POP1: variants seen among roughly 807,000 people sequenced by gnomAD.
The protein encoded by POP1 is POP1 ribonuclease P/MRP subunit.
In POP1, 75 loss-of-function variants were observed where a neutral mutation model predicts 102.2. The observed-to-expected ratio is 0.73, with a 90% CI of 0.61 to 0.89. The LOEUF (loss-of-function observed/expected upper bound fraction) is 0.89. Among genes scored for constraint, POP1 ranks in the 40% least tolerant of loss-of-function variants. The pLI, the probability that POP1 is intolerant of heterozygous loss-of-function variation, is 0.00. For synonymous variants in POP1, 436 were observed against 464.1 expected (o/e 0.94, Z 0.78); for missense variants, 1,116 against 1,267.4 (o/e 0.88, Z 1.81).
At chr8:98,128,784 A>G (rs1451238290) in intron 4 of POP1, among the ~76,000 whole-genome samples, 5 of 152,038 alleles carry the variant, frequency 3.3e-5, no homozygotes, top group Non-Finnish European at 7.4e-5. Context: ...GCTGGGCGTG[A>G]TGGTACATGT....
In POP1 at chr8:98,140,165, G is replaced by A; in HGVS notation, c.1450G>A (p.Glu484Lys). The A allele has an allele frequency of 6.2e-7, 1 of 1,614,046 alleles. No homozygotes were observed. The highest frequency in any genetic ancestry group is 8.5e-7 in the Non-Finnish European group (1 of 1,179,952). ...CAGCGTTTCCCTTCATTGCAGACAAGAAGCCATTTTCGAGTTGTTGGGAGG... is the reference window on the plus strand; with the variant it reads ...CAGCGTTTCCCTTCATTGCAGACAAAAAGCCATTTTCGAGTTGTTGGGAGG... ...PDSVSLHCRQ[E>K]AIFELLGGIT... Residue 484 changes from glutamate to lysine, a missense_variant, in exon 10 of 16, where the codon GAA (glutamate) becomes AAA (lysine). Physicochemically the swap from Glu to Lys is moderately conservative, Grantham distance 56 (BLOSUM62 1). Transcript: ENST00000401707.
In POP1 at chr8:98,158,288, CAGCAGGGCAT is replaced by C; in HGVS notation, c.*20_*29del. 1 of 1,604,616 alleles carries C rather than the reference CAGCAGGGCAT, an allele frequency of 6.2e-7. No individual in the cohort carries two copies. The highest frequency in any genetic ancestry group is 1.7e-4 in the Middle Eastern group (1 of 5,828). On this transcript the variant is annotated 3_prime_UTR_variant, in exon 16 of 16. Transcript: ENST00000401707. Reference sequence around the variant, plus strand: ...GAGGTGTGAATGCGTGCTTGTATCCCAGCAGGGCATAGATAATACGTTATTATTGTCTGCC... The same window carrying C: ...GAGGTGTGAATGCGTGCTTGTATCCCAGATAATACGTTATTATTGTCTGCC...
intron 1 of POP1, 99 bp from the exon 2 acceptor site, chr8:98,123,237 A>T: frequency 7.2e-7 from 1 of 1,391,288 alleles, no homozygotes; most frequent in Non-Finnish European, 9.9e-7. Flanking sequence ...CCATCAATAG[A>T]CTTATTTTGA....
chr8:98,146,179 C>A (rs538421006), intron 11 of POP1, among the ~76,000 whole-genome samples: 2 of 152,170 alleles, frequency 1.3e-5, no homozygotes, highest in African/African-American at 2.4e-5. Context: ...CACCCTCCCC[C>A]CTTAGCCTCC....
At chr8:98,151,163 G>T (rs1271439871) in intron 14 of POP1, among the ~76,000 whole-genome samples, 2 of 151,860 alleles carry the variant, frequency 1.3e-5, no homozygotes, top group Non-Finnish European at 2.9e-5. Flanking sequence ...TTGGCTCACT[G>T]AAACCTCTGC....
chr8:98,117,373 C>G lies in POP1; in HGVS notation c.-20C>G, dbSNP rs1264102606. On this transcript the variant is annotated 5_prime_UTR_variant, in exon 1 of 16. Transcript: ENST00000401707. ...GGCTTGTCATTCTGACCCGGGGATT[C>G]CTCACAGCGTCTGGCAGGTTGGTCG... The G allele has an allele frequency of 8.6e-6, 4 of 467,664 alleles. No individual in the cohort carries two copies. Among genetic ancestry groups the G allele is most frequent in the Non-Finnish European group, 1.2e-5 (3 of 256,386 alleles). 29.0% of individuals were successfully genotyped at this position (467,664 alleles called of 1,614,324 possible). A position where few individuals can be genotyped will look rare whatever the true frequency, so the allele number is the denominator to read the frequency against.
At chr8:98,152,658 A>G (rs1223727932) in intron 14 of POP1, among the ~76,000 whole-genome samples, 1 of 152,250 alleles carries the variant, frequency 6.6e-6, no homozygotes, top group East Asian at 1.9e-4. Context: ...GGGTCATACA[A>G]AAACAGACAG....
chr8:98,148,399 C>T (rs969314383), intron 12 of POP1, among the ~76,000 whole-genome samples: 2 of 152,200 alleles, frequency 1.3e-5, no homozygotes, highest in African/African-American at 4.8e-5. Context: ...TCTTGAAGAT[C>T]TGATGAGCAA....
intron 6 of POP1, 69 bp downstream of exon 6, chr8:98,134,105 T>C (rs1244100309): frequency 8.6e-7 from 1 of 1,166,366 alleles, no homozygotes; most frequent in Non-Finnish European, 1.3e-6. Context: ...AAGAAGTGTC[T>C]ACTGTAAGCA....
intron 4 of POP1, among the ~76,000 whole-genome samples, chr8:98,129,235 T>C (rs1816305618): frequency 6.6e-6 from 1 of 152,350 alleles, no homozygotes; most frequent in East Asian, 1.9e-4. Flanking sequence ...TAGCATTTGC[T>C]TTCTGACTTT....
intron 2 of POP1, among the ~76,000 whole-genome samples, chr8:98,125,212 G>A (rs1189172912): frequency 4.6e-5 from 6 of 130,912 alleles, no homozygotes; most frequent in Admixed American, 8.2e-5. Flanking sequence ...TTGAGGCAGA[G>A]TCTTGCTCTG....
intron 5 of POP1, among the ~76,000 whole-genome samples, chr8:98,130,615 G>C (rs1457334300): frequency 6.6e-6 from 1 of 152,198 alleles, no homozygotes; most frequent in East Asian, 1.9e-4. Flanking sequence ...GTGTGACAGA[G>C]AAGAAGAGAA....
chr8:98,134,134 T>C (rs1437175641), intron 6 of POP1, 98 bp downstream of exon 6: 4 of 921,916 alleles, frequency 4.3e-6, no homozygotes, highest in East Asian at 2.5e-5. Context: ...TTCAAACATA[T>C]AGAAAAGTGT....
At chr8:98,155,717 A>T (rs1006088953) in intron 14 of POP1, among the ~76,000 whole-genome samples, 1 of 151,250 alleles carries the variant, frequency 6.6e-6, no homozygotes, top group African/African-American at 2.4e-5. Flanking sequence ...AGTAGTTGGG[A>T]TTATAGGCAC....
intron 9 of POP1, among the ~76,000 whole-genome samples, chr8:98,139,579 T>C (rs2130609242): frequency 6.6e-6 from 1 of 152,204 alleles, no homozygotes; most frequent in South Asian, 2.1e-4. Context: ...TAAAAAAAAT[T>C]AGCTGGGCAT....
chr8:98,120,101 G>T (rs1479690489), intron 1 of POP1, among the ~76,000 whole-genome samples: 2 of 152,176 alleles, frequency 1.3e-5, no homozygotes, highest in East Asian at 3.9e-4. Context: ...GTCTAGCCTT[G>T]CTGGTGAGTT....
At chr8:98,133,837 A>G (rs1816452657) in intron 5 of POP1, 112 bp from the exon 6 acceptor site, 5 of 816,412 alleles carry the variant, frequency 6.1e-6, no homozygotes, top group South Asian at 1.4e-5. Flanking sequence ...AGCTTTAGCA[A>G]TTTGTTTTGT....
At chr8:98,131,598 G>T (rs1218955957) in intron 5 of POP1, among the ~76,000 whole-genome samples, 1 of 152,134 alleles carries the variant, frequency 6.6e-6, no homozygotes, top group Non-Finnish European at 1.5e-5. Context: ...CCTGCTTTCA[G>T]TCCTCTTGAA....
chr8:98,137,508 G>A (rs1816580508), intron 9 of POP1, among the ~76,000 whole-genome samples: 1 of 152,114 alleles, frequency 6.6e-6, no homozygotes, highest in Non-Finnish European at 1.5e-5. Context: ...GGCTGGTCTG[G>A]AACTCTTGAC....
Sources: allele counts gnomAD v4.1 joint callset (sites outside exome capture counted in the v4.1 genomes callset), GRCh38; gene constraint gnomAD v4.1.1; transcripts MANE v1.5; gene names NCBI Gene and HGNC (gene_info 2026-07-23, HGNC 2026-07-21).